Variants in STK32B observed in about 807,000 individuals in gnomAD.
STK32B encodes the protein serine/threonine-protein kinase 32B.
In STK32B, 43 loss-of-function variants were observed where a neutral mutation model predicts 52.6. The ratio of observed to expected loss-of-function variants is 0.82; its 90% CI spans 0.64 to 1.05. STK32B has a LOEUF of 1.05. STK32B is among the 50% of genes least tolerant of loss of function. The probability of loss-of-function intolerance (pLI) is 0.00; values close to 1 mark genes in which losing one functional copy is unlikely to be tolerated. For synonymous variants in STK32B, 238 were observed against 204.3 expected, an observed-to-expected ratio of 1.17 and a Z score of -1.41; for missense variants, 621 against 534.6, an observed-to-expected ratio of 1.16 and a Z score of -1.59.
In STK32B at chr4:5,067,788, C is replaced by T. The variant is rs541585227; in HGVS notation, c.52+15873C>T. Among the ~76,000 whole-genome samples the T allele has an allele frequency of 2.1e-3, 319 of 152,148 alleles. 1 individual carries two copies. Among genetic ancestry groups the T allele is most frequent in the Middle Eastern group, 0.014 (4 of 294 alleles). ...GGCTGTACAGGAAGCATGATGGCTT[C>T]TAGAGAGGCCTCAGGAAACTTTCTA... is the stretch of plus-strand genomic sequence containing the variant. On this transcript the variant is annotated intron_variant, in intron 1 of 11. Coordinates refer to ENST00000282908, the MANE Select transcript of STK32B (RefSeq NM_018401.3).
intron 3 of STK32B, among the ~76,000 whole-genome samples, chr4:5,191,604 A>G (rs1374631687): frequency 6.6e-6 from 1 of 152,092 alleles, no homozygotes; most frequent in African/African-American, 2.4e-5. Context: ...ATTTCATTTA[A>G]GGAAGGGTTT....
At chr4:5,042,721 G>T in the STK32B span, among the ~76,000 whole-genome samples, 1 of 152,198 alleles carries the variant, frequency 6.6e-6, no homozygotes, top group African/African-American at 2.4e-5. Flanking sequence ...AGGGGAATGG[G>T]AGGAAGTCCA....
At chr4:5,379,219 G>A (rs775900745) in intron 4 of STK32B, among the ~76,000 whole-genome samples, 12 of 152,162 alleles carry the variant, frequency 7.9e-5, no homozygotes, top group Non-Finnish European at 1.5e-4. Context: ...AAAGCCCGTG[G>A]CATCGGCCTT....
At chr4:5,132,765 C>A (rs149293467) in intron 1 of STK32B, among the ~76,000 whole-genome samples, 1 of 152,168 alleles carries the variant, frequency 6.6e-6, no homozygotes, top group Non-Finnish European at 1.5e-5. Flanking sequence ...AATTCATACA[C>A]CTGGATTTAC....
Position 5,459,468 on chromosome 4 carries a change from C to T in STK32B, c.784-635C>T, listed in dbSNP as rs75128301. Among the ~76,000 whole-genome samples the T allele has an allele frequency of 1.8e-4, 28 of 152,338 alleles. 1 individual carries two copies. The East Asian group carries it at 5.4e-3, about 29-fold the overall frequency. The stretch of plus-strand genomic sequence containing the variant: ...TTAAATGACAGTCCCGGGGCCAGGC[C>T]TCTGTCTTTTCATTCTTGGCCCCTG... On this transcript the variant is annotated intron_variant, in intron 8 of 11. Coordinates refer to ENST00000282908, the MANE Select transcript of STK32B (RefSeq NM_018401.3).
intron 4 of STK32B, among the ~76,000 whole-genome samples, chr4:5,332,955 T>TG (rs1560327935): frequency 1.3e-5 from 2 of 152,160 alleles, no homozygotes. Flanking sequence ...GCAATAAACA[T>TG]AAGTGTGCAT....
At chr4:5,193,805 G>A (rs967982503) in intron 3 of STK32B, among the ~76,000 whole-genome samples, 1 of 152,252 alleles carries the variant, frequency 6.6e-6, no homozygotes, top group African/African-American at 2.4e-5. Flanking sequence ...CAGAACACAA[G>A]TGCGTTTGCG....
rs930344940 is a variant in STK32B, at chr4:5,457,409, G to A, written c.783+486G>A. Among the ~76,000 whole-genome samples, 20 of 150,762 alleles carry A rather than the reference G, an allele frequency of 1.3e-4. 1 individual carries two copies. In the East Asian group the frequency reaches 3.9e-3, roughly 29 times the overall value. ...TTTTTGTATTTTTAGTAGAGACGGG[G>A]TTTCACCATGTTAGCCAGGATGGTC... On this transcript the variant is annotated intron_variant, in intron 8 of 11. Transcript: ENST00000282908.
chr4:5,364,762 T>C (rs1734768730), intron 4 of STK32B, among the ~76,000 whole-genome samples: 1 of 152,140 alleles, frequency 6.6e-6, no homozygotes, highest in African/African-American at 2.4e-5. Context: ...AAAATGCTAC[T>C]CCAGTCCCAA....
chr4:5,086,287 G>T (rs1341532209), intron 1 of STK32B, among the ~76,000 whole-genome samples: 1 of 152,176 alleles, frequency 6.6e-6, no homozygotes, highest in Non-Finnish European at 1.5e-5. Flanking sequence ...AGGCAGAGCT[G>T]TCAACTATCT....
chr4:5,129,829 G>A (rs1483798881), intron 1 of STK32B, among the ~76,000 whole-genome samples: 2 of 152,126 alleles, frequency 1.3e-5, no homozygotes, highest in Non-Finnish European at 2.9e-5. Flanking sequence ...TGTACAGCCA[G>A]CACTCCTTTG....
chr4:5,496,286 G>A (rs1014332013), intron 11 of STK32B, among the ~76,000 whole-genome samples: 1 of 152,210 alleles, frequency 6.6e-6, no homozygotes, highest in Non-Finnish European at 1.5e-5. Context: ...GCAATGGCGG[G>A]CGCCCCTCCA....
rs111937106 is a variant in STK32B, at chr4:5,060,084, G to A, written c.52+8169G>A. ...CGGGTTCAAGTGATTCTCCTGCCTCGGCCTCCCGAGTAGCTGGGATTACAG... is the reference window on the plus strand; with the variant it reads ...CGGGTTCAAGTGATTCTCCTGCCTCAGCCTCCCGAGTAGCTGGGATTACAG... On this transcript the variant is annotated intron_variant, in intron 1 of 11. Transcript: ENST00000282908. Among the ~76,000 whole-genome samples the A allele has an allele frequency of 6.6e-3, 1,010 of 152,058 alleles. 14 individuals carry two copies. The highest frequency in any genetic ancestry group is 0.022 in the African/African-American group (931 of 41,474).
intron 3 of STK32B, among the ~76,000 whole-genome samples, chr4:5,275,513 C>T (rs1727754081): frequency 6.6e-6 from 1 of 152,058 alleles, no homozygotes; most frequent in African/African-American, 2.4e-5. Flanking sequence ...CACCCTCTTT[C>T]GGGATCGTTT....
At chr4:5,401,579 AG>A (rs1229713433) in intron 5 of STK32B, among the ~76,000 whole-genome samples, 2 of 152,320 alleles carry the variant, frequency 1.3e-5, no homozygotes, top group East Asian at 3.9e-4. Context: ...CTGAGATTTG[AG>A]GTCTCTGAGC....
At chr4:5,021,986 A>G in the STK32B span, among the ~76,000 whole-genome samples, 2,734 of 152,228 alleles carry the variant, frequency 0.018, 94 homozygotes, top group African/African-American at 0.063. Context: ...GAAGAACACC[A>G]GAGGAGAGGG....
At position 5,460,497 on chromosome 4, in the gene STK32B, G is replaced by A. The variant is rs1237649083; in HGVS notation, c.909+269G>A. ...CCCACCTCCAGGTGCTCAGGTCCAG[G>A]TGTGGGGATAGCAGGCTGATCTACC... On this transcript the variant is annotated intron_variant, in intron 9 of 11. Coordinates refer to ENST00000282908, the MANE Select transcript of STK32B (RefSeq NM_018401.3). The surrounding 1 kb of genome is among the most constrained non-coding windows in gnomAD (Gnocchi z 4.8). Among the ~76,000 whole-genome samples, 3 of 152,186 alleles carry A rather than the reference G, an allele frequency of 2.0e-5. No individual in the cohort carries two copies. Among genetic ancestry groups the A allele is most frequent in the Non-Finnish European group, 1.5e-5 (1 of 68,038 alleles).
chr4:5,357,036 CACACATATAT>C (rs1734221149), intron 4 of STK32B, among the ~76,000 whole-genome samples: 1 of 149,054 alleles, frequency 6.7e-6, no homozygotes, highest in East Asian at 2.0e-4. Context: ...CACACACACA[CACACATATAT>C]ACACACACAC....
the STK32B span, among the ~76,000 whole-genome samples, chr4:5,042,861 C>T: frequency 2.0e-5 from 3 of 151,772 alleles, no homozygotes; most frequent in African/African-American, 7.3e-5. Flanking sequence ...AATCCCAGCA[C>T]TTTGGGAGGC....
Sources: gnomAD v4.1 joint callset for allele counts (sites outside exome capture counted in the v4.1 genomes callset) on GRCh38, gnomAD v4.1.1 for gene constraint, Gnocchi (gnomAD v3.1) non-coding constraint, MANE v1.5 for transcripts, NCBI Gene and HGNC (gene_info 2026-07-23, HGNC 2026-07-21) for gene names.